The following CSMD1 variants were observed in gnomAD, a reference collection of about 807,000 sequenced individuals.
CSMD1 encodes the protein CUB and sushi domain-containing protein 1.
Under a neutral mutation model 417.5 loss-of-function variants are expected in CSMD1, and 213 were observed. The observed-to-expected ratio is 0.51, with a 90% CI of 0.46 to 0.57. The LOEUF is 0.57. CSMD1 is among the 20% of genes least tolerant of loss of function. The pLI, the probability that CSMD1 is intolerant of heterozygous loss-of-function variation, is 0.00. For synonymous variants in CSMD1, 2,862 were observed against 1,736.8 expected (o/e 1.65, Z -16.11); for missense variants, 6,923 against 4,529.7 (o/e 1.53, Z -15.17).
At chr8:4,043,648 G>C (rs768706284) in intron 3 of CSMD1, among the ~76,000 whole-genome samples, 1 of 152,186 alleles carries the variant, frequency 6.6e-6, no homozygotes, top group African/African-American at 2.4e-5. Flanking sequence ...TTAATTCTAG[G>C]AGTGGTGGTT....
At chr8:4,173,859 C>CTCT (rs1227211890) in intron 3 of CSMD1, among the ~76,000 whole-genome samples, 1 of 152,176 alleles carries the variant, frequency 6.6e-6, no homozygotes, top group African/African-American at 2.4e-5. Context: ...CTTGGGAAGT[C>CTCT]TCTTCTCTCC....
chr8:4,181,082 C>T (rs1385277011), intron 3 of CSMD1, among the ~76,000 whole-genome samples: 2 of 152,000 alleles, frequency 1.3e-5, no homozygotes, highest in African/African-American at 4.8e-5. Context: ...GACAACAGAC[C>T]TATTGAACAT....
At chr8:3,658,305 G>T (rs1033526694) in intron 7 of CSMD1, among the ~76,000 whole-genome samples, 2 of 151,790 alleles carry the variant, frequency 1.3e-5, no homozygotes, top group African/African-American at 4.8e-5. Context: ...ATAAACAATG[G>T]ATTTAGCATA....
chr8:3,735,190 T>A (rs185984321), intron 6 of CSMD1, among the ~76,000 whole-genome samples: 135 of 152,332 alleles, frequency 8.9e-4, no homozygotes, highest in African/African-American at 3.1e-3. Flanking sequence ...AGGCACACGG[T>A]AACGGGCAAG....
At chr8:3,375,083 G>T (rs1243614571) in intron 18 of CSMD1, 5 of 152,100 alleles carry the variant, frequency 3.3e-5, no homozygotes, top group Non-Finnish European at 7.3e-5. Context: ...CACCTCCACG[G>T]TGCCCAACTG....
chr8:4,723,944 G>C (rs143013902), intron 1 of CSMD1, among the ~76,000 whole-genome samples: 111 of 152,084 alleles, frequency 7.3e-4, no homozygotes, highest in African/African-American at 2.6e-3. Flanking sequence ...TGAGTAACTT[G>C]CCTAGATAAG....
At chr8:3,936,288 G>A (rs186329743) in intron 5 of CSMD1, among the ~76,000 whole-genome samples, 142 of 152,264 alleles carry the variant, frequency 9.3e-4, no homozygotes, top group African/African-American at 3.2e-3. Flanking sequence ...GCTAAGATCA[G>A]TGACGAAGGT....
chr8:4,713,417 T>TTGTTTTG (rs1410615987), intron 1 of CSMD1, among the ~76,000 whole-genome samples: 1 of 145,234 alleles, frequency 6.9e-6, no homozygotes, highest in African/African-American at 2.6e-5. Context: ...TTGTTTTGTT[T>TTGTTTTG]TTGAGACAGA....
At chr8:4,870,773 A>G (rs1296319386) in intron 1 of CSMD1, among the ~76,000 whole-genome samples, 1 of 152,118 alleles carries the variant, frequency 6.6e-6, no homozygotes, top group East Asian at 1.9e-4. Context: ...GCTGAGCAGA[A>G]CCCTGGTCCT....
intron 1 of CSMD1, among the ~76,000 whole-genome samples, chr8:4,926,934 T>G (rs2117171888): frequency 6.6e-6 from 1 of 152,230 alleles, no homozygotes; most frequent in East Asian, 1.9e-4. Context: ...AACCATTTAC[T>G]TGGACCCAAG....
intron 1 of CSMD1, among the ~76,000 whole-genome samples, chr8:4,826,071 T>C (rs556929791): frequency 1.3e-5 from 2 of 151,956 alleles, no homozygotes; most frequent in Non-Finnish European, 2.9e-5. Context: ...TGGAAAACAA[T>C]ATGGAGTTTC....
chr8:2,950,253 T>C lies in CSMD1; in HGVS notation c.10292A>G (p.Asp3431Gly), dbSNP rs771495665. 3.1e-6 allele frequency: 5 copies of C among 1,611,614 alleles called. No homozygotes were observed. Among genetic ancestry groups the C allele is most frequent in the Non-Finnish European group, 4.2e-6 (5 of 1,177,776 alleles). The change falls in exon 67 of 70, where the codon GAC (aspartate) becomes GGC (glycine). Residue 3431 changes from aspartate (D) to glycine (G), a missense_variant. By Grantham distance (94) the Asp-to-Gly change is moderately conservative. Transcript: ENST00000635120. ...ADIFVSKFEN[D>G]NWGLDGYVSS... ...TACATAACCATCTAGTCCCCAGTTG[T>C]CATTTTCGAACTTGCTTACAAAAAT...
chr8:4,335,391 C>T (rs1292652359), intron 3 of CSMD1, among the ~76,000 whole-genome samples: 1 of 152,110 alleles, frequency 6.6e-6, no homozygotes, highest in Non-Finnish European at 1.5e-5. Context: ...CTTCTGAATA[C>T]ATTAACATTG....
At chr8:3,378,337 C>G (rs1034293984) in intron 18 of CSMD1, among the ~76,000 whole-genome samples, 2 of 152,124 alleles carry the variant, frequency 1.3e-5, no homozygotes, top group Non-Finnish European at 2.9e-5. Context: ...GGAGCTGGTA[C>G]CATTCCTTCT....
At chr8:4,720,432 T>C (rs1808978607) in intron 1 of CSMD1, among the ~76,000 whole-genome samples, 2 of 152,134 alleles carry the variant, frequency 1.3e-5, no homozygotes, top group South Asian at 4.1e-4. Context: ...TTTTTTTGTT[T>C]TTTGAGATGG....
Position 3,670,689 on chromosome 8 carries a change from GATATATGTATATGGGAT to G in CSMD1, c.1009+37708_1009+37724del, listed in dbSNP as rs1397853091. Among the ~76,000 whole-genome samples the G allele has an allele frequency of 6.9e-5, 10 of 145,346 alleles. 1 individual carries two copies. Among genetic ancestry groups the G allele is most frequent in the Admixed American group, 2.8e-4 (4 of 14,518 alleles). On this transcript the variant is annotated intron_variant, in intron 7 of 69. Coordinates refer to ENST00000635120, the MANE Select transcript of CSMD1 (RefSeq NM_033225.6). ...TATGTACATGGTTATATATGTATGG[GATATATGTATATGGGAT>G]ATATATGTATATGGGATATACATGT...
intron 1 of CSMD1, among the ~76,000 whole-genome samples, chr8:4,801,444 T>G (rs1360131823): frequency 6.7e-6 from 1 of 149,888 alleles, no homozygotes; most frequent in Non-Finnish European, 1.5e-5. Context: ...CTTAGCGGAC[T>G]TGACAGCCTC....
intron 5 of CSMD1, among the ~76,000 whole-genome samples, chr8:3,781,286 G>A (rs1298866017): frequency 6.6e-6 from 1 of 152,002 alleles, no homozygotes; most frequent in Non-Finnish European, 1.5e-5. Flanking sequence ...GAGAGAATAT[G>A]GTATGAATAT....
At chr8:3,296,012 C>A (rs4875549) in intron 25 of CSMD1, among the ~76,000 whole-genome samples, 2 of 151,872 alleles carry the variant, frequency 1.3e-5, no homozygotes, top group African/African-American at 4.8e-5. Flanking sequence ...ACAGCATCCA[C>A]AATAATACAG....
Sources: allele counts gnomAD v4.1 joint callset (sites outside exome capture counted in the v4.1 genomes callset), GRCh38; gene constraint gnomAD v4.1.1; transcripts MANE v1.5; gene names NCBI Gene and HGNC (gene_info 2026-07-23, HGNC 2026-07-21).